FGGY: variants seen among roughly 807,000 people sequenced by gnomAD.
The protein encoded by FGGY is FGGY carbohydrate kinase domain-containing protein.
Under a neutral mutation model 71.3 loss-of-function variants are expected in FGGY, and 72 were observed. That is an observed-to-expected ratio of 1.01 (90% CI 0.84 to 1.23). The LOEUF (loss-of-function observed/expected upper bound fraction) is 1.23, where lower values mean the gene tolerates loss of function less well. Ranked by LOEUF, FGGY falls within the 50% of genes most tolerant of loss-of-function variation. FGGY has a pLI of 0.00. For missense variants in FGGY, 668 were observed against 682.3 expected (o/e 0.98, Z 0.23); for synonymous variants, 251 against 250.3 (o/e 1.00, Z -0.02).
chr1:59,323,135 T>C (rs527935598), intron 2 of FGGY, among the ~76,000 whole-genome samples: 5 of 152,328 alleles, frequency 3.3e-5, no homozygotes, highest in African/African-American at 1.2e-4. Flanking sequence ...GCCCCCAATC[T>C]GGTAAGAATC....
chr1:59,543,685 T>A (rs970210778), intron 7 of FGGY, among the ~76,000 whole-genome samples: 6 of 151,176 alleles, frequency 4.0e-5, no homozygotes, highest in Non-Finnish European at 8.9e-5. Context: ...CTAATTAATA[T>A]TTTTTTTCCT....
chr1:59,716,324 A>G (rs2097845844), intron 14 of FGGY, among the ~76,000 whole-genome samples: 1 of 152,110 alleles, frequency 6.6e-6, no homozygotes, highest in Non-Finnish European at 1.5e-5. Flanking sequence ...AATTCCAGTT[A>G]CCTTTTGCTT....
At chr1:59,575,647 G>C (rs1183967366) in intron 8 of FGGY, among the ~76,000 whole-genome samples, 4 of 152,072 alleles carry the variant, frequency 2.6e-5, no homozygotes, top group Admixed American at 2.6e-4. Flanking sequence ...ATGGTAATTT[G>C]TCATTTTTTT....
rs1024201760 is a variant in FGGY at position 59,517,442 on chromosome 1, T to C, written c.799+5003T>C. Among the ~76,000 whole-genome samples the C allele has an allele frequency of 5.8e-4, 88 of 151,840 alleles. 1 individual carries two copies. The highest frequency in any genetic ancestry group is 8.1e-4 in the Non-Finnish European group (55 of 67,882). On this transcript the variant is annotated intron_variant, in intron 7 of 15. Coordinates refer to ENST00000303721, the MANE Select transcript of FGGY (RefSeq NM_018291.5). The stretch of plus-strand genomic sequence containing the variant: ...CACTATGCCCGGCTAATTTTTTGTA[T>C]TTTTAGTAGAGACGGGGTTTCACCG...
At chr1:59,297,304 C>T (rs1340660601) in intron 1 of FGGY, among the ~76,000 whole-genome samples, 154 bp downstream of exon 1, 1 of 152,192 alleles carries the variant, frequency 6.6e-6, no homozygotes, top group Non-Finnish European at 1.5e-5. Flanking sequence ...CTCCCCTTAC[C>T]CTTGTAGGAC....
At chr1:59,372,271 C>T (rs2057797361) in intron 4 of FGGY, among the ~76,000 whole-genome samples, 1 of 152,158 alleles carries the variant, frequency 6.6e-6, no homozygotes, top group Non-Finnish European at 1.5e-5. Context: ...TCAGAGAATA[C>T]TACAAACACC....
Position 59,695,908 on chromosome 1 carries a change from T to G in FGGY, c.1512+21775T>G, listed in dbSNP as rs528198203. Among the ~76,000 whole-genome samples, 141 of 152,334 alleles carry G rather than the reference T, an allele frequency of 9.3e-4. 2 individuals carry two copies. Among genetic ancestry groups the G allele is most frequent in the Non-Finnish European group, 1.6e-3 (111 of 68,022 alleles). On this transcript the variant is annotated intron_variant, in intron 14 of 15. Transcript: ENST00000303721. The stretch of plus-strand genomic sequence containing the variant: ...TGTAGAAAGTCCTGTGGGTTTTTTT[T>G]TTATATATTACTTGTCAGAGAAAAC...
intron 14 of FGGY, chr1:59,697,504 C>T (rs933772651): frequency 2.5e-6 from 1 of 397,906 alleles, no homozygotes; most frequent in African/African-American, 2.1e-5. Context: ...CAAGGTTTAT[C>T]CATGCTGTAG....
At chr1:59,298,382 G>A (rs2042280657) in intron 1 of FGGY, among the ~76,000 whole-genome samples, 1 of 152,190 alleles carries the variant, frequency 6.6e-6, no homozygotes, top group South Asian at 2.1e-4. Context: ...TTTTGAGGGG[G>A]AGGGAGGTTG....
chr1:59,311,240 A>C (rs564739742), intron 1 of FGGY, among the ~76,000 whole-genome samples: 3 of 151,800 alleles, frequency 2.0e-5, no homozygotes, highest in Non-Finnish European at 4.4e-5. Flanking sequence ...ACAAACCTGA[A>C]ATTTTTTTTT....
intron 5 of FGGY, among the ~76,000 whole-genome samples, chr1:59,421,616 T>C (rs2065452605): frequency 6.6e-6 from 1 of 151,552 alleles, no homozygotes. Context: ...CCTTCTGTTC[T>C]CTTTTTCTGG....
chr1:59,554,641 G>A (rs979608636), intron 8 of FGGY, among the ~76,000 whole-genome samples: 1 of 152,098 alleles, frequency 6.6e-6, no homozygotes, highest in Non-Finnish European at 1.5e-5. Context: ...CCATCTCCCT[G>A]GGAGCGTCCT....
rs571414091 is a variant in FGGY at position 59,658,789 on chromosome 1, G to A, written c.1222-1430G>A. Reference sequence around the variant, plus strand: ...CAGGGCCTCTGTCAGCAATTAGGAAGGACATAATGGTGGCTTGAATTAAGG... The same window carrying A: ...CAGGGCCTCTGTCAGCAATTAGGAAAGACATAATGGTGGCTTGAATTAAGG... On this transcript the variant is annotated intron_variant, in intron 11 of 15. Transcript: ENST00000303721. 7.9e-5 allele frequency among the ~76,000 whole-genome samples: 12 copies of A among 152,316 alleles called. No homozygotes were observed. In the East Asian group the frequency reaches 2.3e-3, roughly 29 times the overall value.
intron 4 of FGGY, among the ~76,000 whole-genome samples, chr1:59,358,953 C>T (rs1296084924): frequency 1.3e-5 from 2 of 152,142 alleles, no homozygotes; most frequent in African/African-American, 4.8e-5. Flanking sequence ...CACTTATCAA[C>T]TTTATTACCT....
At chr1:59,432,112 A>G (rs2153461385) in intron 5 of FGGY, among the ~76,000 whole-genome samples, 1 of 152,290 alleles carries the variant, frequency 6.6e-6, no homozygotes, top group Middle Eastern at 3.4e-3. Context: ...GTGATGAATC[A>G]TCCCTAAAAA....
rs151099903 is a variant in FGGY at position 59,460,313 on chromosome 1, C to T, written c.670+3237C>T. Among the ~76,000 whole-genome samples, 621 of 152,246 alleles carry T rather than the reference C, an allele frequency of 4.1e-3. 6 individuals are homozygous for T. Among genetic ancestry groups the T allele is most frequent in the African/African-American group, 0.014 (586 of 41,530 alleles). On this transcript the variant is annotated intron_variant, in intron 6 of 15. Transcript: ENST00000303721. ...TGCTCTCACTGCTAGCACAGCAGTC[C>T]GAGATCGAACTGCAAGGTGGCAGTG...
At chr1:59,673,192 T>G (rs956344216) in intron 13 of FGGY, among the ~76,000 whole-genome samples, 25 of 152,118 alleles carry the variant, frequency 1.6e-4, no homozygotes, top group African/African-American at 6.0e-4. Flanking sequence ...AATACAATGT[T>G]GGAAGGTGGG....
chr1:59,615,737 A>C (rs896998656), intron 9 of FGGY, among the ~76,000 whole-genome samples: 47 of 152,236 alleles, frequency 3.1e-4, no homozygotes, highest in African/African-American at 1.1e-3. Flanking sequence ...AAATTTTTGC[A>C]ATCTACTCAT....
chr1:59,410,408 C>A (rs567112408), intron 5 of FGGY, among the ~76,000 whole-genome samples: 1 of 152,234 alleles, frequency 6.6e-6, no homozygotes, highest in African/African-American at 2.4e-5. Context: ...CACTTGCTTG[C>A]CCACATCACA....
Sources: allele counts gnomAD v4.1 joint callset (sites outside exome capture counted in the v4.1 genomes callset), GRCh38; gene constraint gnomAD v4.1.1; transcripts MANE v1.5; gene names NCBI Gene and HGNC (gene_info 2026-07-23, HGNC 2026-07-21).